The following AGBL4 variants were observed in gnomAD, a reference collection of about 807,000 sequenced individuals.
AGBL4 encodes the protein AGBL carboxypeptidase 4.
In AGBL4, 58 loss-of-function variants were observed where a neutral mutation model predicts 66.4. That is an observed-to-expected ratio of 0.87 (90% CI 0.71 to 1.09). The LOEUF (loss-of-function observed/expected upper bound fraction) is 1.09, where lower values mean the gene tolerates loss of function less well. Among genes scored for constraint, AGBL4 ranks in the 50% least tolerant of loss-of-function variants. The pLI, the probability that AGBL4 is intolerant of heterozygous loss-of-function variation, is 0.00. For missense variants in AGBL4, 579 were observed against 631.0 expected (o/e 0.92, Z 0.88); for synonymous variants, 234 against 222.9 (o/e 1.05, Z -0.44).
chr1:49,377,309 G>C (rs1461624594), intron 3 of AGBL4, among the ~76,000 whole-genome samples: 3 of 152,024 alleles, frequency 2.0e-5, no homozygotes, highest in African/African-American at 7.2e-5. Context: ...TAGTGGCATT[G>C]AAATAATTCT....
chr1:49,171,298 A>G (rs143054066), intron 4 of AGBL4, among the ~76,000 whole-genome samples: 57 of 152,264 alleles, frequency 3.7e-4, no homozygotes, highest in African/African-American at 1.3e-3. Flanking sequence ...TGCTGCCTAT[A>G]GTGGGTGGAC....
At chr1:49,734,044 T>G (rs1649667716) in intron 2 of AGBL4, among the ~76,000 whole-genome samples, 3 of 152,042 alleles carry the variant, frequency 2.0e-5, no homozygotes, top group Admixed American at 2.0e-4. Flanking sequence ...ATAAGACCAT[T>G]TCAACAAATG....
At chr1:49,321,565 C>T (rs146482184) in intron 3 of AGBL4, among the ~76,000 whole-genome samples, 3 of 152,290 alleles carry the variant, frequency 2.0e-5, no homozygotes, top group Non-Finnish European at 4.4e-5. Flanking sequence ...ACCCAACAAT[C>T]CCACTTCTAG....
At chr1:49,110,898 T>C (rs1645392966) in intron 4 of AGBL4, among the ~76,000 whole-genome samples, 1 of 152,186 alleles carries the variant, frequency 6.6e-6, no homozygotes, top group African/African-American at 2.4e-5. Flanking sequence ...TCTTCTCTTC[T>C]GTCCAACCTC....
chr1:49,598,598 G>A (rs1021932021), intron 3 of AGBL4, among the ~76,000 whole-genome samples: 4 of 152,118 alleles, frequency 2.6e-5, no homozygotes, highest in East Asian at 1.9e-4. Context: ...AGGAGTACCC[G>A]GCCGTGTGAG....
intron 4 of AGBL4, among the ~76,000 whole-genome samples, chr1:49,091,215 C>T (rs1300431587): frequency 6.6e-6 from 1 of 151,888 alleles, no homozygotes; most frequent in Admixed American, 6.6e-5. Flanking sequence ...GCAATTATGA[C>T]AAAAACAAAA....
chr1:49,273,846 T>C (rs1424556148), intron 3 of AGBL4, among the ~76,000 whole-genome samples: 2 of 151,982 alleles, frequency 1.3e-5, no homozygotes, highest in African/African-American at 2.4e-5. Flanking sequence ...CTGATGACTT[T>C]TTGTTTTGTA....
intron 6 of AGBL4, among the ~76,000 whole-genome samples, chr1:48,770,060 C>T (rs1003904535): frequency 3.3e-5 from 5 of 152,172 alleles, no homozygotes; most frequent in African/African-American, 1.2e-4. Flanking sequence ...CAGCACCATG[C>T]TAGAAGCCCT....
rs188080712 is a variant in AGBL4 at position 49,073,206 on chromosome 1, G to A, written c.378-27406C>T. 1.4e-4 allele frequency among the ~76,000 whole-genome samples: 22 copies of A among 152,070 alleles called. No individual in the cohort carries two copies. In the East Asian group the frequency reaches 2.1e-3, roughly 15 times the overall value. On this transcript the variant is annotated intron_variant, in intron 4 of 13. Transcript: ENST00000371839. Reference sequence around the variant, plus strand: ...GGGTTAGAACATGCTCCTTTAGTTCGGAGGAGTTTGTTATTACCCATCTTC... The same window carrying A: ...GGGTTAGAACATGCTCCTTTAGTTCAGAGGAGTTTGTTATTACCCATCTTC...
At chr1:49,124,835 T>C (rs1276238946) in intron 4 of AGBL4, among the ~76,000 whole-genome samples, 1 of 152,186 alleles carries the variant, frequency 6.6e-6, no homozygotes, top group Admixed American at 6.6e-5. Flanking sequence ...AGTGGGATTA[T>C]ATTTCAACTT....
At position 48,983,451 on chromosome 1, in the gene AGBL4, T is replaced by C. The variant is rs141662327; in HGVS notation, c.594+62133A>G. Among the ~76,000 whole-genome samples, 258 of 152,282 alleles carry C rather than the reference T, an allele frequency of 1.7e-3. 4 individuals are homozygous for C. The highest frequency in any genetic ancestry group is 5.4e-3 in the African/African-American group (225 of 41,564). Reference sequence around the variant, plus strand: ...ATATTAGTAAGTGCTCACTGACAAATAGGCATCCCACAAGGGACATCTGGA... The same window carrying C: ...ATATTAGTAAGTGCTCACTGACAAACAGGCATCCCACAAGGGACATCTGGA... On this transcript the variant is annotated intron_variant, in intron 5 of 13. Coordinates refer to ENST00000371839, the MANE Select transcript of AGBL4 (RefSeq NM_032785.4).
chr1:48,882,914 A>G (rs1046526203), intron 5 of AGBL4, among the ~76,000 whole-genome samples: 1 of 152,174 alleles, frequency 6.6e-6, no homozygotes, highest in Non-Finnish European at 1.5e-5. Context: ...AATGTCCTTC[A>G]GGTTTATCTA....
chr1:48,529,868 C>T (rs1463895199), downstream of AGBL4, among the ~76,000 whole-genome samples: 4 of 152,130 alleles, frequency 2.6e-5, no homozygotes, highest in South Asian at 2.1e-4. Flanking sequence ...CTAAACGCTG[C>T]TCTCTGGAGG....
intron 1 of AGBL4, among the ~76,000 whole-genome samples, chr1:49,942,962 A>G (rs952483740): frequency 3.3e-5 from 5 of 152,322 alleles, no homozygotes; most frequent in African/African-American, 1.2e-4. Context: ...TTCAATATCA[A>G]TCAATAAATA....
At chr1:49,733,507 A>T (rs561231531) in intron 2 of AGBL4, among the ~76,000 whole-genome samples, 35 of 152,288 alleles carry the variant, frequency 2.3e-4, no homozygotes, top group Non-Finnish European at 4.9e-4. Context: ...AACAACGAAC[A>T]TTATTTCTGT....
intron 4 of AGBL4, among the ~76,000 whole-genome samples, chr1:49,187,893 C>T (rs573808042): frequency 2.0e-5 from 3 of 152,198 alleles, no homozygotes; most frequent in African/African-American, 4.8e-5. Context: ...TCTTAGGTGT[C>T]GTGGGAGAAA....
intron 6 of AGBL4, among the ~76,000 whole-genome samples, chr1:48,720,880 G>T (rs1235364181): frequency 6.6e-6 from 1 of 151,982 alleles, no homozygotes; most frequent in Non-Finnish European, 1.5e-5. Context: ...CTAGAGAAGG[G>T]AGGGAGTCCT....
chr1:48,660,954 G>A lies in AGBL4; in HGVS notation c.724+2198C>T, dbSNP rs962160579. ...AGACCTAGGTTAAAAGCCCCACTCCGCTATTTAATGACTGTGTAACCCTGA... is the reference window on the plus strand; with the variant it reads ...AGACCTAGGTTAAAAGCCCCACTCCACTATTTAATGACTGTGTAACCCTGA... On this transcript the variant is annotated intron_variant, in intron 7 of 13. Coordinates refer to ENST00000371839, the MANE Select transcript of AGBL4 (RefSeq NM_032785.4). Among the ~76,000 whole-genome samples the A allele has an allele frequency of 6.6e-5, 10 of 152,186 alleles. No homozygotes were observed. In the East Asian group the frequency reaches 7.7e-4, roughly 12 times the overall value.
At chr1:48,690,764 A>G (rs943143183) in intron 6 of AGBL4, among the ~76,000 whole-genome samples, 4 of 152,196 alleles carry the variant, frequency 2.6e-5, no homozygotes, top group Non-Finnish European at 5.9e-5. Flanking sequence ...GACTTGGACC[A>G]CCCAGCAGAA....
Sources: allele counts gnomAD v4.1 joint callset (sites outside exome capture counted in the v4.1 genomes callset), GRCh38; gene constraint gnomAD v4.1.1; transcripts MANE v1.5; gene names NCBI Gene and HGNC (gene_info 2026-07-23, HGNC 2026-07-21).